The following TTLL7 variants were observed in gnomAD, a reference collection of about 807,000 sequenced individuals.
TTLL7 encodes the protein tubulin tyrosine ligase like 7.
Under a neutral mutation model 120.2 loss-of-function variants are expected in TTLL7, and 53 were observed. That is an observed-to-expected ratio of 0.44 (90% CI 0.35 to 0.55). The LOEUF (loss-of-function observed/expected upper bound fraction) is 0.55. Among genes scored for constraint, TTLL7 ranks in the 20% least tolerant of loss-of-function variants. The pLI is 0.00. For missense variants in TTLL7, 803 were observed against 1,054.7 expected, an observed-to-expected ratio of 0.76 and a Z score of 3.31; for synonymous variants, 353 against 351.7, an observed-to-expected ratio of 1.00 and a Z score of -0.04.
At chr1:83,943,777 C>G (rs1648214097) in intron 6 of TTLL7, among the ~76,000 whole-genome samples, 1 of 152,130 alleles carries the variant, frequency 6.6e-6, no homozygotes, top group African/African-American at 2.4e-5. Flanking sequence ...AGCCCAAATA[C>G]AGGGAAACTA....
intron 20 of TTLL7, among the ~76,000 whole-genome samples, chr1:83,873,003 G>A (rs1653577959): frequency 6.6e-6 from 1 of 152,090 alleles, no homozygotes; most frequent in African/African-American, 2.4e-5. Flanking sequence ...ATACTATATT[G>A]TCATGACAAT....
At chr1:83,899,572 T>C (rs1360341695) in intron 18 of TTLL7, among the ~76,000 whole-genome samples, 1 of 151,964 alleles carries the variant, frequency 6.6e-6, no homozygotes, top group African/African-American at 2.4e-5. Flanking sequence ...TATAGAATTG[T>C]CTATTAAATT....
chr1:83,892,046 C>A (rs1397972117), intron 18 of TTLL7, among the ~76,000 whole-genome samples: 1 of 151,762 alleles, frequency 6.6e-6, no homozygotes, highest in Admixed American at 6.6e-5. Context: ...CCAGGCTGGT[C>A]TTGAACTCCT....
chr1:83,956,729 C>T (rs888135614), intron 1 of TTLL7, among the ~76,000 whole-genome samples: 2 of 152,142 alleles, frequency 1.3e-5, no homozygotes, highest in Non-Finnish European at 2.9e-5. Flanking sequence ...TGTGCCCAGC[C>T]CTAACCCACA....
intron 18 of TTLL7, among the ~76,000 whole-genome samples, chr1:83,893,435 A>C (rs1655952871): frequency 6.6e-6 from 1 of 152,118 alleles, no homozygotes; most frequent in South Asian, 2.1e-4. Flanking sequence ...CCATTCATCA[A>C]AGTGGATTTT....
rs1571049613 is a variant in TTLL7, at chr1:83,884,531, G to A, written c.2370-1395C>T. The stretch of plus-strand genomic sequence containing the variant: ...TGAATGACAGGTTTTCTTAAAGGGA[G>A]TAAGACTGAAATGAGTTAATTGAAA... On this transcript the variant is annotated intron_variant, in intron 19 of 20. Coordinates refer to ENST00000260505, the MANE Select transcript of TTLL7 (RefSeq NM_024686.6). 2.0e-5 allele frequency among the ~76,000 whole-genome samples: 3 copies of A among 151,966 alleles called. 1 individual carries two copies. In the East Asian group the frequency reaches 5.8e-4, roughly 29 times the overall value.
chr1:83,923,628 T>A (rs897700563), intron 10 of TTLL7, among the ~76,000 whole-genome samples: 2 of 152,098 alleles, frequency 1.3e-5, no homozygotes, highest in Non-Finnish European at 2.9e-5. Flanking sequence ...CCCTGAGACA[T>A]TGTTTTGTAT....
chr1:83,901,655 T>C (rs1476597905), intron 18 of TTLL7, among the ~76,000 whole-genome samples: 1 of 151,962 alleles, frequency 6.6e-6, no homozygotes, highest in Non-Finnish European at 1.5e-5. Flanking sequence ...GCAATCTGCC[T>C]CTGTCACCAG....
chr1:83,881,329 C>T (rs1458595902), intron 20 of TTLL7, among the ~76,000 whole-genome samples: 13 of 148,656 alleles, frequency 8.7e-5, no homozygotes, highest in Admixed American at 2.0e-4. Flanking sequence ...AGAAAATTTT[C>T]GCAACCTACT....
chr1:83,987,940 T>C (rs1195253557), intron 1 of TTLL7, among the ~76,000 whole-genome samples: 6 of 152,204 alleles, frequency 3.9e-5, no homozygotes, highest in Non-Finnish European at 2.9e-5. Flanking sequence ...CCTGAGTATA[T>C]TGCATGATGC....
chr1:83,984,511 C>T (rs1195519838), intron 1 of TTLL7, among the ~76,000 whole-genome samples: 1 of 152,198 alleles, frequency 6.6e-6, no homozygotes, highest in Non-Finnish European at 1.5e-5. Context: ...ATAGCAAAGA[C>T]ATGAAATCAA....
At chr1:83,922,675 TC>T in intron 10 of TTLL7, among the ~76,000 whole-genome samples, 1 of 139,872 alleles carries the variant, frequency 7.1e-6, no homozygotes, top group Non-Finnish European at 1.6e-5. Flanking sequence ...AAACTCAGCT[TC>T]TCACATGGAC....
chr1:83,865,799 T>C lies in TTLL7; in HGVS notation c.*4163A>G, dbSNP rs1302791219. The C allele has an allele frequency of 2.0e-5, 3 of 151,966 alleles. No individual in the cohort carries two copies. The highest frequency in any genetic ancestry group is 7.2e-5 in the African/African-American group (3 of 41,430). 9.4% of individuals were successfully genotyped at this position (151,966 alleles called of 1,614,324 possible). A position where few individuals can be genotyped will look rare whatever the true frequency, so the allele number is the denominator to read the frequency against. ...CACCATAAAATGCAAGGAAAACCAA[T>C]GTTTAAAAGGCAGAATTTCTCTTTT... On this transcript the variant is annotated 3_prime_UTR_variant, in exon 21 of 21. Transcript: ENST00000260505.
At chr1:83,903,749 G>A (rs762058497) in intron 18 of TTLL7, among the ~76,000 whole-genome samples, 11 of 151,616 alleles carry the variant, frequency 7.3e-5, no homozygotes, top group East Asian at 5.8e-4. Flanking sequence ...TTCCAAACAC[G>A]TTCAATCCCT....
chr1:83,963,506 G>C (rs897199225), intron 1 of TTLL7, among the ~76,000 whole-genome samples: 2 of 151,606 alleles, frequency 1.3e-5, no homozygotes, highest in Non-Finnish European at 1.5e-5. Context: ...GCTTAAACCA[G>C]GTTCCTATCC....
intron 18 of TTLL7, 45 bp from the exon 19 acceptor site, chr1:83,890,526 G>A: frequency 9.9e-6 from 15 of 1,510,840 alleles, no homozygotes; most frequent in Non-Finnish European, 1.3e-5. Flanking sequence ...ATGTATATCT[G>A]TGTCTAAAAT....
At chr1:83,978,625 G>T (rs184897330) in intron 1 of TTLL7, among the ~76,000 whole-genome samples, 5 of 152,152 alleles carry the variant, frequency 3.3e-5, no homozygotes, top group African/African-American at 9.6e-5. Context: ...CTTTGTAACT[G>T]ATTTTTATAA....
intron 5 of TTLL7, chr1:83,947,581 G>A: frequency 4.6e-6 from 1 of 219,402 alleles, no homozygotes; most frequent in Non-Finnish European, 8.8e-6. Context: ...CTAGGTACTG[G>A]AGATAGTAAG....
At position 83,937,900 on chromosome 1, in the gene TTLL7, G is replaced by A; in HGVS notation, c.840C>T (p.Phe280=). ...SKRSIKWFTE[F]LQANQHDVAK... is the part of the protein sequence containing the mutation. ...CAACATCATGTTGATTTGCTTGAAG[G>A]AATTCTGTAAACCATTTGATGGAAC... Residue 280 remains phenylalanine, a synonymous_variant, in exon 8 of 21, where the codon TTC becomes TTT. Coordinates refer to ENST00000260505, the MANE Select transcript of TTLL7 (RefSeq NM_024686.6). 1 of 1,614,024 alleles carries A rather than the reference G, an allele frequency of 6.2e-7. No individual in the cohort carries two copies. The highest frequency in any genetic ancestry group is 1.1e-5 in the South Asian group (1 of 91,078).
Sources: allele counts gnomAD v4.1 joint callset (sites outside exome capture counted in the v4.1 genomes callset), GRCh38; gene constraint gnomAD v4.1.1; transcripts MANE v1.5; gene names NCBI Gene and HGNC (gene_info 2026-07-23, HGNC 2026-07-21).